DPYD: variants seen among roughly 807,000 people sequenced by gnomAD.
DPYD encodes the protein dihydropyrimidine dehydrogenase [NADP(+)].
Under a neutral mutation model 116.2 loss-of-function variants are expected in DPYD, and 109 were observed. The observed-to-expected ratio is 0.94, with a 90% confidence interval of 0.80 to 1.10. DPYD has a LOEUF of 1.10. Ranked by LOEUF, DPYD falls within the 50% of genes least tolerant of loss-of-function variation. DPYD has a pLI of 0.00. For missense variants in DPYD, 1,302 were observed against 1,254.5 expected, an observed-to-expected ratio of 1.04 and a Z score of -0.57; for synonymous variants, 440 against 432.0, an observed-to-expected ratio of 1.02 and a Z score of -0.23.
intron 13 of DPYD, among the ~76,000 whole-genome samples, chr1:97,497,444 CT>C (rs1337724049): frequency 6.6e-6 from 1 of 151,736 alleles, no homozygotes; most frequent in Non-Finnish European, 1.5e-5. Flanking sequence ...CAAATTGCCC[CT>C]GATGACCACA....
intron 18 of DPYD, among the ~76,000 whole-genome samples, chr1:97,285,490 T>G (rs1269475866): frequency 6.6e-6 from 1 of 152,182 alleles, no homozygotes; most frequent in Non-Finnish European, 1.5e-5. Flanking sequence ...TGCTCTTTGA[T>G]GTATACAATC....
At chr1:97,588,244 C>A (rs1346689796) in intron 10 of DPYD, among the ~76,000 whole-genome samples, 2 of 152,100 alleles carry the variant, frequency 1.3e-5, no homozygotes, top group East Asian at 3.9e-4. Flanking sequence ...CTAAGGCGTA[C>A]CAGGGGTAGC....
chr1:97,092,838 C>G (rs771698606), intron 21 of DPYD, among the ~76,000 whole-genome samples: 2 of 78,364 alleles, frequency 2.6e-5, no homozygotes, highest in African/African-American at 7.9e-5. Context: ...ACATCTTAGT[C>G]TTCTTATTAT....
chr1:97,804,128 C>CA (rs1667967339), intron 3 of DPYD, among the ~76,000 whole-genome samples: 1 of 151,530 alleles, frequency 6.6e-6, no homozygotes, highest in Non-Finnish European at 1.5e-5. Context: ...TTATATTAAA[C>CA]GTTATTTTTC....
At chr1:97,514,372 C>G in intron 13 of DPYD, 2 of 464,814 alleles carry the variant, frequency 4.3e-6, no homozygotes, top group Non-Finnish European at 5.6e-6. Flanking sequence ...TAATTCTTCA[C>G]CTGTGCCCAA....
intron 15 of DPYD, among the ~76,000 whole-genome samples, chr1:97,379,297 G>A (rs1671805197): frequency 1.3e-5 from 2 of 152,184 alleles, no homozygotes; most frequent in South Asian, 4.1e-4. Context: ...AGCACTTAAT[G>A]GTCAAGTTAA....
chr1:97,722,355 G>GA (rs1300583528), intron 4 of DPYD, among the ~76,000 whole-genome samples: 11 of 150,780 alleles, frequency 7.3e-5, no homozygotes, highest in Admixed American at 6.0e-4. Context: ...TACTGGAACA[G>GA]AAAAAAAAGT....
At chr1:97,580,606 T>C (rs1444057400) in intron 10 of DPYD, among the ~76,000 whole-genome samples, 1 of 152,218 alleles carries the variant, frequency 6.6e-6, no homozygotes, top group Non-Finnish European at 1.5e-5. Context: ...CCAACTTTAG[T>C]CAGGTTTCTG....
chr1:97,611,566 G>A (rs893480392), intron 8 of DPYD, among the ~76,000 whole-genome samples: 2 of 151,966 alleles, frequency 1.3e-5, no homozygotes, highest in Admixed American at 6.6e-5. Context: ...TCTATAATTA[G>A]TATTAAATAA....
intron 5 of DPYD, among the ~76,000 whole-genome samples, chr1:97,700,648 A>G (rs1330497763): frequency 6.6e-6 from 1 of 152,026 alleles, no homozygotes; most frequent in African/African-American, 2.4e-5. Context: ...TTTTTATAAA[A>G]TGCCTGGGTT....
chr1:97,307,839 GTGACTTTCA>G (rs1401805106), intron 16 of DPYD, among the ~76,000 whole-genome samples: 2 of 151,820 alleles, frequency 1.3e-5, no homozygotes, highest in African/African-American at 4.8e-5. Flanking sequence ...TTGCATCTTT[GTGACTTTCA>G]TTTCTAAGTT....
intron 8 of DPYD, among the ~76,000 whole-genome samples, chr1:97,670,814 A>T (rs1344507309): frequency 1.3e-5 from 2 of 152,050 alleles, no homozygotes; most frequent in African/African-American, 4.8e-5. Flanking sequence ...ACTTCACTTT[A>T]AGAGTTAATT....
chr1:97,597,424 T>C (rs1654959170), intron 8 of DPYD, among the ~76,000 whole-genome samples: 1 of 152,202 alleles, frequency 6.6e-6, no homozygotes, highest in Admixed American at 6.5e-5. Context: ...AGACAGACTT[T>C]GGTATGAGTC....
intron 2 of DPYD, among the ~76,000 whole-genome samples, chr1:97,839,468 A>T (rs1291451003): frequency 6.6e-6 from 1 of 152,060 alleles, no homozygotes; most frequent in Non-Finnish European, 1.5e-5. Context: ...AGTGGGGTCT[A>T]CTTACTTAAA....
intron 18 of DPYD, among the ~76,000 whole-genome samples, chr1:97,257,688 A>G (rs1663594327): frequency 6.6e-6 from 1 of 152,000 alleles, no homozygotes; most frequent in African/African-American, 2.4e-5. Context: ...ATTTTTATAC[A>G]AATTTAAACT....
chr1:97,212,217 A>G (rs965436970), intron 19 of DPYD, among the ~76,000 whole-genome samples: 1 of 152,092 alleles, frequency 6.6e-6, no homozygotes, highest in Non-Finnish European at 1.5e-5. Context: ...TTTAGCAGCC[A>G]CTGTTCACCA....
chr1:97,900,553 G>A (rs953705108), intron 1 of DPYD, among the ~76,000 whole-genome samples: 22 of 151,824 alleles, frequency 1.4e-4, no homozygotes, highest in African/African-American at 3.9e-4. Flanking sequence ...TCCATCAAAT[G>A]TCAAAAATCC....
intron 2 of DPYD, among the ~76,000 whole-genome samples, chr1:97,858,718 A>G (rs900548384): frequency 6.6e-6 from 1 of 152,194 alleles, no homozygotes; most frequent in African/African-American, 2.4e-5. Context: ...ACGTAAACAT[A>G]CAAGCCTTTG....
At chr1:97,920,438 C>A (rs780500060) in intron 1 of DPYD, among the ~76,000 whole-genome samples, 3 of 152,148 alleles carry the variant, frequency 2.0e-5, no homozygotes, top group Admixed American at 1.3e-4. Flanking sequence ...TATGCTTCAC[C>A]TTTGCAAATA....
Sources: allele counts gnomAD v4.1 joint callset (sites outside exome capture counted in the v4.1 genomes callset), GRCh38; gene constraint gnomAD v4.1.1; transcripts MANE v1.5; gene names NCBI Gene and HGNC (gene_info 2026-07-23, HGNC 2026-07-21).